Variants in HEPACAM observed in about 807,000 individuals in gnomAD.
HEPACAM encodes the protein hepatocyte cell adhesion molecule.
Under a neutral mutation model 38.3 loss-of-function variants are expected in HEPACAM, and 18 were observed. The observed-to-expected ratio is 0.47, with a 90% CI of 0.33 to 0.70. The LOEUF (loss-of-function observed/expected upper bound fraction) is 0.70. Among genes scored for constraint, HEPACAM ranks in the 30% least tolerant of loss-of-function variants. HEPACAM has a pLI of 0.03. For missense variants in HEPACAM, 466 were observed against 563.0 expected (o/e 0.83, Z 1.74); for synonymous variants, 216 against 243.1 (o/e 0.89, Z 1.04).
rs761163524 is a variant in HEPACAM, at chr11:124,919,928, T to C, written c.*1210A>G. ...CCTCTCTCCTCACACAGTAGATTAC[T>C]GCCACTCCTATGAACTGTTCAATAG... On this transcript the variant is annotated 3_prime_UTR_variant, in exon 7 of 7. Coordinates refer to ENST00000298251, the MANE Select transcript of HEPACAM (RefSeq NM_152722.5). 1 of 1,614,090 alleles carries C rather than the reference T, an allele frequency of 6.2e-7. No individual in the cohort carries two copies. Among genetic ancestry groups the C allele is most frequent in the Non-Finnish European group, 8.5e-7 (1 of 1,180,016 alleles).
intron 3 of HEPACAM, 102 bp from the exon 4 acceptor site, chr11:124,923,535 C>CA: frequency 8.9e-7 from 1 of 1,120,650 alleles, no homozygotes; most frequent in Non-Finnish European, 1.3e-6. Context: ...GAGCCCCAGG[C>CA]TGCATGCCTG....
chr11:124,934,151 T>A (rs1947314863), intron 1 of HEPACAM, among the ~76,000 whole-genome samples: 2 of 151,222 alleles, frequency 1.3e-5, no homozygotes, highest in Admixed American at 6.6e-5. Flanking sequence ...ATGATACTCA[T>A]TTTTTTTGTT....
chr11:124,924,939 C>A lies in HEPACAM; in HGVS notation c.216G>T (p.Lys72Asn). Residue 72 changes from lysine to asparagine, a missense_variant, in exon 2 of 7, where the codon AAG becomes AAT. Transcript: ENST00000298251. The surrounding 1 kb of genome is among the most constrained non-coding windows in gnomAD (Gnocchi z 4.4). Reference sequence around the variant, plus strand: ...GCACCACGGTCACTGGCTTGTCCCGCTTCAGCTGCCACTTCACTACAGGCC... The same window carrying A: ...GCACCACGGTCACTGGCTTGTCCCGATTCAGCTGCCACTTCACTACAGGCC... ...SDRPVVKWQL[K>N]RDKPVTVVQS... is the part of the protein sequence containing the mutation. 1 of 1,614,026 alleles carries A rather than the reference C, an allele frequency of 6.2e-7. No individual in the cohort carries two copies. Among genetic ancestry groups the A allele is most frequent in the Non-Finnish European group, 8.5e-7 (1 of 1,180,012 alleles).
chr11:124,921,025 C>A lies in HEPACAM; in HGVS notation c.*113G>T, dbSNP rs1354359484. 2.1e-6 allele frequency: 3 copies of A among 1,407,200 alleles called. No individual in the cohort carries two copies. The highest frequency in any genetic ancestry group is 5.9e-5 in the East Asian group (2 of 34,098). 87.2% of individuals were successfully genotyped at this position (1,407,200 alleles called of 1,614,324 possible). A position where few individuals can be genotyped will look rare whatever the true frequency, so the allele number is the denominator to read the frequency against. ...GTTCACACCCGAGACACCAGCGCCC[C>A]CCCGGGACCTCCCCTCGTCCCCAGC... is the stretch of plus-strand genomic sequence containing the variant. On this transcript the variant is annotated 3_prime_UTR_variant, in exon 7 of 7. Transcript: ENST00000298251. This position sits in a 1 kb window ranked among gnomAD's most constrained non-coding sequence, Gnocchi z 4.6.
chr11:124,932,384 C>T (rs1190494512), intron 1 of HEPACAM, among the ~76,000 whole-genome samples: 1 of 152,160 alleles, frequency 6.6e-6, no homozygotes, highest in South Asian at 2.1e-4. Flanking sequence ...CCTACATTTA[C>T]GGCATGCTGT....
intron 1 of HEPACAM, among the ~76,000 whole-genome samples, chr11:124,931,764 C>T (rs551624161): frequency 1.4e-3 from 211 of 152,176 alleles, no homozygotes; most frequent in Non-Finnish European, 2.7e-3. Flanking sequence ...AAGACATGTA[C>T]TATAATAGGA....
rs115152750 is a variant in HEPACAM at position 124,922,838 on chromosome 11, C to T, written c.804-20G>A. On this transcript the variant is annotated intron_variant, in intron 4 of 6. Transcript: ENST00000298251. The stretch of plus-strand genomic sequence containing the variant: ...TGTTTCCTGTGAATCAATTCAGCCC[C>T]ACTATGAGCCGAATTATTGAATGTG... 2.2e-3 allele frequency: 3,589 copies of T among 1,613,292 alleles called. 89 individuals are homozygous for T. The African/African-American group carries it at 0.043, about 20-fold the overall frequency.
At chr11:124,922,706 T>C (rs765541777) in intron 5 of HEPACAM, 39 bp downstream of exon 5, 1 of 1,614,134 alleles carries the variant, frequency 6.2e-7, no homozygotes, top group South Asian at 1.1e-5. Context: ...ACTGATCTGA[T>C]TGTTGATGGG....
At chr11:124,932,136 G>T (rs1455612875) in intron 1 of HEPACAM, among the ~76,000 whole-genome samples, 1 of 152,184 alleles carries the variant, frequency 6.6e-6, no homozygotes, top group African/African-American at 2.4e-5. Context: ...TGATCTGAGG[G>T]TTGATTACAT....
intron 1 of HEPACAM, among the ~76,000 whole-genome samples, chr11:124,934,751 ATACAAACTTCCT>A (rs1947321949): frequency 6.6e-6 from 1 of 152,076 alleles, no homozygotes; most frequent in Admixed American, 6.5e-5. Context: ...TAGAAAATGA[ATACAAACTTCCT>A]TTCTTATTTT....
intron 3 of HEPACAM, 89 bp downstream of exon 3, chr11:124,923,640 T>A: frequency 6.6e-7 from 1 of 1,513,822 alleles, no homozygotes; most frequent in Non-Finnish European, 9.1e-7. Flanking sequence ...CTCCCCCCAG[T>A]GACATTTCTT....
Position 124,920,014 on chromosome 11 carries a change from G to A in HEPACAM, c.*1124C>T. The A allele has an allele frequency of 1.2e-6, 2 of 1,611,996 alleles. No individual in the cohort carries two copies. The highest frequency in any genetic ancestry group is 1.7e-6 in the Non-Finnish European group (2 of 1,179,466). On this transcript the variant is annotated 3_prime_UTR_variant, in exon 7 of 7. Transcript: ENST00000298251. ...CCAGCCTCTTTATTTTGATGTTAGT[G>A]TGATTAGGGAGTCTGCCCTTTTTCT...
chr11:124,934,035 A>G (rs895579074), intron 1 of HEPACAM, among the ~76,000 whole-genome samples: 3 of 152,134 alleles, frequency 2.0e-5, no homozygotes, highest in Non-Finnish European at 4.4e-5. Context: ...CTATGGGCTA[A>G]CGGCTGCCAA....
intron 1 of HEPACAM, among the ~76,000 whole-genome samples, chr11:124,929,776 T>C (rs1473913686): frequency 1.3e-5 from 2 of 152,180 alleles, no homozygotes; most frequent in African/African-American, 2.4e-5. Flanking sequence ...TGTCAAACTT[T>C]AGGGTATAAG....
chr11:124,920,358 A>G lies in HEPACAM; in HGVS notation c.*780T>C, dbSNP rs1292586127. 4 of 1,521,680 alleles carry G rather than the reference A, an allele frequency of 2.6e-6. No homozygotes were observed. The highest frequency in any genetic ancestry group is 1.2e-5 in the South Asian group (1 of 82,318). 94.3% of individuals were successfully genotyped at this position (1,521,680 alleles called of 1,614,324 possible). Reference sequence around the variant, plus strand: ...CTTCTCTATAAGAATAAGCCCATCCATCTCTTTTATTCATGAACAGAGACA... The same window carrying G: ...CTTCTCTATAAGAATAAGCCCATCCGTCTCTTTTATTCATGAACAGAGACA... On this transcript the variant is annotated 3_prime_UTR_variant, in exon 7 of 7. Transcript: ENST00000298251.
intron 1 of HEPACAM, among the ~76,000 whole-genome samples, chr11:124,927,375 C>T (rs948618285): frequency 7.3e-5 from 11 of 150,820 alleles, no homozygotes; most frequent in African/African-American, 2.7e-4. Context: ...CAAGGTCTCA[C>T]TCTGTTACCC....
At chr11:124,932,462 T>C (rs759906388) in intron 1 of HEPACAM, among the ~76,000 whole-genome samples, 12 of 152,190 alleles carry the variant, frequency 7.9e-5, no homozygotes, top group Non-Finnish European at 1.8e-4. Context: ...TAAATTGGAA[T>C]TTAAAAATTG....
chr11:124,923,963 C>G lies in HEPACAM; in HGVS notation c.475G>C (p.Glu159Gln). 1.2e-6 allele frequency: 2 copies of G among 1,611,820 alleles called. No individual in the cohort carries two copies. The highest frequency in any genetic ancestry group is 1.7e-6 in the Non-Finnish European group (2 of 1,179,962). ...TTCAAGGTGAAGGCCTCGCTGAGCT[C>G]CAGCACAGTGGTTGAAGCCACCAAC... The part of the protein sequence containing the change: ...QVLVASTTVL[E>Q]LSEAFTLNCS... Residue 159 changes from glutamate (E) to glutamine (Q), a missense_variant, in exon 3 of 7, where the codon GAG (glutamate) becomes CAG (glutamine). By Grantham distance (29) the Glu-to-Gln change is conservative (BLOSUM62 2). Transcript: ENST00000298251.
chr11:124,927,517 T>G (rs1947230304), intron 1 of HEPACAM, among the ~76,000 whole-genome samples: 1 of 126,538 alleles, frequency 7.9e-6, no homozygotes, highest in South Asian at 2.9e-4. Context: ...TAGGTTTTTT[T>G]TTTTTGTTTT....
Sources: gnomAD v4.1 joint callset for allele counts (sites outside exome capture counted in the v4.1 genomes callset) on GRCh38, gnomAD v4.1.1 for gene constraint, Gnocchi (gnomAD v3.1) non-coding constraint, MANE v1.5 for transcripts, NCBI Gene and HGNC (gene_info 2026-07-23, HGNC 2026-07-21) for gene names.